Variants in CTBP2 observed in about 807,000 individuals in gnomAD.
CTBP2 encodes the protein C-terminal-binding protein 2.
In CTBP2, 30 loss-of-function variants were observed where a neutral mutation model predicts 80.3. The observed-to-expected ratio is 0.37, with a 90% CI of 0.28 to 0.51. The LOEUF (loss-of-function observed/expected upper bound fraction) is 0.51, where lower values mean the gene tolerates loss of function less well. CTBP2 is among the 20% of genes least tolerant of loss of function. The pLI is 0.93. For synonymous variants in CTBP2, 594 were observed against 587.4 expected, an observed-to-expected ratio of 1.01 and a Z score of -0.16; for missense variants, 1,212 against 1,375.3, an observed-to-expected ratio of 0.88 and a Z score of 1.88.
At chr10:125,137,344 G>A (rs1025509662) in intron 1 of CTBP2, among the ~76,000 whole-genome samples, 30 of 152,322 alleles carry the variant, frequency 2.0e-4, no homozygotes, top group African/African-American at 7.0e-4. Context: ...CAAGGGGCCT[G>A]GGAGTCCCTG....
rs1952087818 is a variant in CTBP2, at chr10:124,987,600, C to T, written c.*1918G>A. Reference sequence around the variant, plus strand: ...AAGACGTTAAACTACCTTTTTGTTCCCTGGGGTAATAGGTCAGTAACTATG... The same window carrying T: ...AAGACGTTAAACTACCTTTTTGTTCTCTGGGGTAATAGGTCAGTAACTATG... On this transcript the variant is annotated 3_prime_UTR_variant, in exon 9 of 9. Transcript: ENST00000309035. The T allele has an allele frequency of 1.3e-5, 2 of 152,012 alleles. No individual in the cohort carries two copies. Among genetic ancestry groups the T allele is most frequent in the Non-Finnish European group, 2.9e-5 (2 of 68,018 alleles). The allele number at this position is 152,012 out of a possible 1,614,324, so 9.4% of individuals were successfully genotyped here. A position where few individuals can be genotyped will look rare whatever the true frequency, so the allele number is the denominator to read the frequency against.
intron 1 of CTBP2, among the ~76,000 whole-genome samples, chr10:125,151,311 T>C (rs1165156899): frequency 6.6e-6 from 1 of 151,988 alleles, no homozygotes; most frequent in Admixed American, 6.6e-5. Flanking sequence ...AGGCTTCAGG[T>C]GTTGGGAGCC....
intron 1 of CTBP2, among the ~76,000 whole-genome samples, chr10:125,119,491 A>G (rs1853949959): frequency 6.6e-6 from 1 of 152,242 alleles, no homozygotes; most frequent in Non-Finnish European, 1.5e-5. Context: ...GTCAGACACT[A>G]TCCATCTCAA....
intron 1 of CTBP2, among the ~76,000 whole-genome samples, chr10:125,019,959 T>C (rs571910221): frequency 4.6e-5 from 7 of 152,162 alleles, no homozygotes; most frequent in Admixed American, 3.9e-4. Flanking sequence ...TTGACAGAGC[T>C]GAAATGTGAC....
At chr10:125,062,687 C>A (rs540082610) in intron 2 of CTBP2, among the ~76,000 whole-genome samples, 58 of 152,314 alleles carry the variant, frequency 3.8e-4, no homozygotes, top group African/African-American at 1.3e-3. Context: ...ATGATGAAAC[C>A]TCCTCTCTAC....
intron 2 of CTBP2, among the ~76,000 whole-genome samples, chr10:125,065,952 T>C (rs1844555179): frequency 6.6e-6 from 1 of 151,892 alleles, no homozygotes; most frequent in Non-Finnish European, 1.5e-5. Context: ...AATACAAAAA[T>C]TAGCCTGGCT....
upstream of CTBP2, among the ~76,000 whole-genome samples, chr10:125,161,426 T>G (rs1218493744): frequency 6.6e-6 from 1 of 151,762 alleles, no homozygotes; most frequent in East Asian, 2.0e-4. Context: ...GAGCCCCGGG[T>G]GGCCCCGGTC....
At chr10:125,085,561 T>G (rs1489526354) in intron 2 of CTBP2, among the ~76,000 whole-genome samples, 2 of 152,202 alleles carry the variant, frequency 1.3e-5, no homozygotes, top group African/African-American at 4.8e-5. Flanking sequence ...AGCTGGGAGC[T>G]TTCCTTCAGA....
At chr10:125,037,966 C>T (rs963566096) in intron 3 of CTBP2, among the ~76,000 whole-genome samples, 1 of 152,302 alleles carries the variant, frequency 6.6e-6, no homozygotes, top group East Asian at 1.9e-4. Context: ...TCCTACCAAC[C>T]TCTCTGTAGG....
chr10:125,027,299 C>G lies in CTBP2; in HGVS notation c.461G>C (p.Arg154Pro). 7 of 1,613,774 alleles carry G rather than the reference C, an allele frequency of 4.3e-6. No individual in the cohort carries two copies. The highest frequency in any genetic ancestry group is 5.9e-6 in the Non-Finnish European group (7 of 1,180,000). ...ACCGGCGTCCTGCAGGGCAGGTGACCGGCCTTGCATTGGATCCCATGACGT... is the reference window on the plus strand; with the variant it reads ...ACCGGCGTCCTGCAGGGCAGGTGACGGGCCTTGCATTGGATCCCATGACGT... Residue 154 changes from arginine (R) to proline (P), a missense_variant, in exon 1 of 9, where the codon CGG becomes CCG. Physicochemically the swap from Arg to Pro is moderately radical, Grantham distance 103 (BLOSUM62 -2). This residue lies in a region of CTBP2 where 848 missense variants were observed against 782.3 expected (regional missense o/e 1.08). Coordinates refer to ENST00000309035, the MANE Select transcript of CTBP2 (RefSeq NM_022802.3).
chr10:125,038,892 G>T, intron 3 of CTBP2, 105 bp downstream of exon 3: 2 of 1,110,186 alleles, frequency 1.8e-6, no homozygotes, highest in Non-Finnish European at 2.7e-6. Context: ...ATCGGAGGAG[G>T]GACTCTGGCT....
In CTBP2 at chr10:125,105,988, C is replaced by CT. The variant is rs150772752; in HGVS notation, c.-102+5001dup. 8.0e-3 allele frequency among the ~76,000 whole-genome samples: 1,225 copies of CT among 152,348 alleles called. 10 individuals carry two copies. The highest frequency in any genetic ancestry group is 0.027 in the African/African-American group (1,134 of 41,578). Reference sequence around the variant, plus strand: ...CGCTCACTCCATCCACTCCTTCCCACTCTTCTTGCCTTTAACAAACACACG... The same window carrying CT: ...CGCTCACTCCATCCACTCCTTCCCACTTCTTCTTGCCTTTAACAAACACACG... On this transcript the variant is annotated intron_variant, in intron 2 of 10. Coordinates refer to the CTBP2 transcript ENST00000337195.
chr10:125,047,694 A>G (rs1961615520), intron 2 of CTBP2, among the ~76,000 whole-genome samples: 1 of 152,260 alleles, frequency 6.6e-6, no homozygotes, highest in South Asian at 2.1e-4. Flanking sequence ...AATTGTAACC[A>G]TATTATAGAA....
chr10:125,106,086 A>T (rs1474682514), intron 2 of CTBP2, among the ~76,000 whole-genome samples: 1 of 152,198 alleles, frequency 6.6e-6, no homozygotes, highest in Admixed American at 6.5e-5. Context: ...GCCATCCCTC[A>T]GTTCAGTGGC....
chr10:125,031,391 A>C (rs2134792785), upstream of CTBP2, among the ~76,000 whole-genome samples: 4 of 141,936 alleles, frequency 2.8e-5, no homozygotes, highest in Middle Eastern at 0.015. Flanking sequence ...CGGGAGGCTG[A>C]GGCAGGAGAA....
At chr10:125,053,884 C>T (rs889661852) in intron 2 of CTBP2, among the ~76,000 whole-genome samples, 7 of 152,288 alleles carry the variant, frequency 4.6e-5, no homozygotes, top group Middle Eastern at 3.4e-3. Flanking sequence ...AGGGACCCGG[C>T]AGAGGATCAG....
At chr10:125,123,131 C>T (rs1854610821) in intron 1 of CTBP2, among the ~76,000 whole-genome samples, 1 of 152,210 alleles carries the variant, frequency 6.6e-6, no homozygotes, top group Non-Finnish European at 1.5e-5. Flanking sequence ...GTCTTAGAAG[C>T]TGGTCAGCTG....
At chr10:125,039,488 C>T (rs1046714676) in intron 2 of CTBP2, among the ~76,000 whole-genome samples, 2 of 152,234 alleles carry the variant, frequency 1.3e-5, no homozygotes, top group African/African-American at 4.8e-5. Flanking sequence ...AAATTATATT[C>T]CAGTGGCAGA....
chr10:125,006,698 A>C (rs79595218), intron 1 of CTBP2, among the ~76,000 whole-genome samples: 2,075 of 152,288 alleles, frequency 0.014, 44 homozygotes, highest in African/African-American at 0.047. Flanking sequence ...CAAGTTTTTA[A>C]CCTATTAGGA....
Sources: gnomAD v4.1 joint callset for allele counts (sites outside exome capture counted in the v4.1 genomes callset) on GRCh38, gnomAD v4.1.1 for gene constraint, gnomAD v4.1.1 regional missense constraint, MANE v1.5 for transcripts, NCBI Gene and HGNC (gene_info 2026-07-23, HGNC 2026-07-21) for gene names.